The following PSMC1 variants were observed in gnomAD, a reference collection of about 807,000 sequenced individuals.
PSMC1 encodes the protein proteasome 26S subunit, ATPase 1, also known as 26S proteasome regulatory subunit 4.
Under a neutral mutation model 49.8 loss-of-function variants are expected in PSMC1, and 5 were observed. That is an observed-to-expected ratio of 0.10 (90% CI 0.05 to 0.21). The LOEUF is 0.21. PSMC1 is among the 10% of genes least tolerant of loss of function. The probability of loss-of-function intolerance (pLI) is 1.00; values close to 1 mark genes in which losing one functional copy is unlikely to be tolerated. For missense variants in PSMC1, 181 were observed against 535.7 expected, an observed-to-expected ratio of 0.34 and a Z score of 6.54; for synonymous variants, 155 against 192.1, an observed-to-expected ratio of 0.81 and a Z score of 1.60.
intron 7 of PSMC1, 52 bp from the exon 8 acceptor site, chr14:90,268,172 A>T: frequency 6.9e-7 from 1 of 1,441,180 alleles, no homozygotes; most frequent in Non-Finnish European, 9.2e-7. Flanking sequence ...TTTTTAAGTT[A>T]AAATGGCACT....
chr14:90,270,579 G>A, intron 10 of PSMC1: 2 of 465,382 alleles, frequency 4.3e-6, no homozygotes, highest in Non-Finnish European at 7.3e-6. Flanking sequence ...GGAGCCACAA[G>A]GCTGAGTCGC....
chr14:90,256,944 C>T (rs1891306462), intron 1 of PSMC1, among the ~76,000 whole-genome samples: 1 of 152,164 alleles, frequency 6.6e-6, no homozygotes, highest in African/African-American at 2.4e-5. Flanking sequence ...TCGGGGGCGC[C>T]TCCTCGAGTC....
chr14:90,264,076 G>A lies in PSMC1; in HGVS notation c.501G>A (p.Thr167=), dbSNP rs145176200. The change falls in exon 6 of 11, where the codon ACG becomes ACA. Residue 167 remains threonine (T), a synonymous_variant. Coordinates refer to ENST00000261303, the MANE Select transcript of PSMC1 (RefSeq NM_002802.3). The stretch of plus-strand genomic sequence containing the variant: ...TGATAGGGGTGCTGATGGATGACAC[G>A]GATCCCCTGGTCACAGTGATGAAGG... ...HAVIGVLMDD[T]DPLVTVMKVE... The A allele has an allele frequency of 7.0e-4, 1,128 of 1,613,126 alleles. 7 individuals carry two copies. The African/African-American group carries it at 0.014, about 20-fold the overall frequency.
rs745329787 is a variant in PSMC1 at position 90,272,260 on chromosome 14, T to G, written c.1189-13T>G. On this transcript the variant is annotated splice_polypyrimidine_tract_variant and intron_variant, in intron 10 of 10. Coordinates refer to ENST00000261303, the MANE Select transcript of PSMC1 (RefSeq NM_002802.3). This position sits in a 1 kb window ranked among gnomAD's most constrained non-coding sequence, Gnocchi z 4.5. ...AGTATGTCACTTTCTGAACACACTC[T>G]TCTTTCTTACAGGCAATCTGTACAG... 1 of 1,601,730 alleles carries G rather than the reference T, an allele frequency of 6.2e-7. No homozygotes were observed. The highest frequency in any genetic ancestry group is 8.5e-7 in the Non-Finnish European group (1 of 1,177,580).
Position 90,268,397 on chromosome 14 carries a change from G to T in PSMC1, c.865G>T (p.Ala289Ser), listed in dbSNP as rs148097391. The part of the protein sequence containing the change: ...PSIVFIDEID[A>S]IGTKRYDSNS... Reference sequence around the variant, plus strand: ...CATCGTGTTTATTGATGAAATTGACGCCATTGGGACAAAAAGGTAGACTTT... The same window carrying T: ...CATCGTGTTTATTGATGAAATTGACTCCATTGGGACAAAAAGGTAGACTTT... Residue 289 changes from alanine to serine, a missense_variant, in exon 8 of 11, where the codon GCC becomes TCC. Transcript: ENST00000261303. The T allele has an allele frequency of 4.3e-6, 7 of 1,613,048 alleles. No individual in the cohort carries two copies. Among genetic ancestry groups the T allele is most frequent in the Non-Finnish European group, 5.9e-6 (7 of 1,179,720 alleles).
At chr14:90,266,724 A>G (rs1388025488) in intron 7 of PSMC1, among the ~76,000 whole-genome samples, 1 of 152,232 alleles carries the variant, frequency 6.6e-6, no homozygotes, top group Non-Finnish European at 1.5e-5. Context: ...CCGCAGAAGC[A>G]GCCCACTGGC....
At chr14:90,265,031 A>G (rs372270849) in intron 6 of PSMC1, 39 bp from the exon 7 acceptor site, 116 of 1,441,256 alleles carry the variant, frequency 8.0e-5, no homozygotes, top group Non-Finnish European at 1.1e-4. Context: ...ATATGCTAAT[A>G]ATTTCAGTAA....
chr14:90,268,695 C>G (rs1298156314), intron 8 of PSMC1: 1 of 319,080 alleles, frequency 3.1e-6, no homozygotes, highest in Non-Finnish European at 5.7e-6. Context: ...GAGCACAAGT[C>G]TCTGCCCTGG....
chr14:90,270,972 G>A (rs1218227310), intron 10 of PSMC1: 5 of 152,174 alleles, frequency 3.3e-5, no homozygotes, highest in South Asian at 2.1e-4. Flanking sequence ...CTGAGCCCAC[G>A]GATCATTGGC....
rs1566678097 is a variant in PSMC1 at position 90,274,827 on chromosome 14, CACACACACA to C, written c.*2421_*2429del. ...ACACACACACACACACACACACACACACACACACACACCCCAATACATATGAATTGATCT... is the reference window on the plus strand; with the variant it reads ...ACACACACACACACACACACACACACCACCCCAATACATATGAATTGATCT... On this transcript the variant is annotated 3_prime_UTR_variant, in exon 11 of 11. Transcript: ENST00000261303. The C allele has an allele frequency of 2.6e-3, 254 of 96,612 alleles. 2 individuals carry two copies. The highest frequency in any genetic ancestry group is 2.7e-3 in the Non-Finnish European group (131 of 48,768). The allele number at this position is 96,612 out of a possible 1,614,324, so 6.0% of individuals were successfully genotyped here.
chr14:90,273,866 CCT>C lies in PSMC1; in HGVS notation c.*1465_*1466del, dbSNP rs1891730987. 1 of 154,964 alleles carries C rather than the reference CCT, an allele frequency of 6.5e-6. No homozygotes were observed. The highest frequency in any genetic ancestry group is 1.5e-5 in the Non-Finnish European group (1 of 68,384). The allele number at this position is 154,964 out of a possible 1,614,324, so 9.6% of individuals were successfully genotyped here. A position where few individuals can be genotyped will look rare whatever the true frequency, so the allele number is the denominator to read the frequency against. On this transcript the variant is annotated 3_prime_UTR_variant, in exon 11 of 11. Transcript: ENST00000261303. Reference sequence around the variant, plus strand: ...TCCACCAGCAGCAGCAGGCCCAGTCCCTCTCTCCCACCGACCCTTCTTTCTGC... The same window carrying C: ...TCCACCAGCAGCAGCAGGCCCAGTCCCTCTCCCACCGACCCTTCTTTCTGC...
At chr14:90,261,853 G>A (rs1309291962) in intron 3 of PSMC1, among the ~76,000 whole-genome samples, 1 of 150,094 alleles carries the variant, frequency 6.7e-6, no homozygotes, top group Non-Finnish European at 1.5e-5. Context: ...CCATGCACAT[G>A]TATGTTTATT....
intron 10 of PSMC1, 120 bp downstream of exon 10, chr14:90,270,472 C>T (rs1319580440): frequency 8.8e-7 from 1 of 1,142,500 alleles, no homozygotes; most frequent in Non-Finnish European, 1.2e-6. Flanking sequence ...TTTTAATCAT[C>T]ATATTGGTTT....
intron 7 of PSMC1, chr14:90,267,751 T>C (rs78656887): frequency 0.023 from 3,616 of 154,198 alleles, 58 homozygotes; most frequent in African/African-American, 0.05. Flanking sequence ...GACCCTTTTT[T>C]CCAGCACTGA....
At position 90,270,048 on chromosome 14, in the gene PSMC1, A is replaced by G. The variant is rs1438443740; in HGVS notation, c.1034-150A>G. 19 of 767,308 alleles carry G rather than the reference A, an allele frequency of 2.5e-5. No homozygotes were observed. The East Asian group carries it at 4.4e-4, about 18-fold the overall frequency. The allele number at this position is 767,308 out of a possible 1,614,324, so 47.5% of individuals were successfully genotyped here. A position where few individuals can be genotyped will look rare whatever the true frequency, so the allele number is the denominator to read the frequency against. ...GTAGAAATCTACAAACTACAAAAATATATGTTTACTTTTTAAAATTTAGAC... is the reference window on the plus strand; with the variant it reads ...GTAGAAATCTACAAACTACAAAAATGTATGTTTACTTTTTAAAATTTAGAC... On this transcript the variant is annotated intron_variant, in intron 9 of 10. Transcript: ENST00000261303.
At chr14:90,263,515 A>G in intron 4 of PSMC1, 73 bp downstream of exon 4, 1 of 1,482,892 alleles carries the variant, frequency 6.7e-7, no homozygotes, top group Non-Finnish European at 9.1e-7. Context: ...AATAAATGAA[A>G]TTCAAGTAGC....
At chr14:90,266,602 A>C (rs1891521138) in intron 7 of PSMC1, among the ~76,000 whole-genome samples, 1 of 152,212 alleles carries the variant, frequency 6.6e-6, no homozygotes, top group Middle Eastern at 3.2e-3. Flanking sequence ...CCACAGCTGC[A>C]GGCCCCCTGT....
At chr14:90,269,355 A>T (rs1395011651) in intron 8 of PSMC1, 42 bp from the exon 9 acceptor site, 1 of 1,545,502 alleles carries the variant, frequency 6.5e-7, no homozygotes, top group Non-Finnish European at 8.8e-7. Flanking sequence ...TGAGCAGGCG[A>T]TCAGTTGAGT....
In PSMC1 at chr14:90,274,596, G is replaced by A. The variant is rs1891753934; in HGVS notation, c.*2189G>A. ...AGGGCTGATTCCGGGGCTAGGCAGGGAAAGGACAGGATGAACCCAAAGTCT... is the reference window on the plus strand; with the variant it reads ...AGGGCTGATTCCGGGGCTAGGCAGGAAAAGGACAGGATGAACCCAAAGTCT... On this transcript the variant is annotated 3_prime_UTR_variant, in exon 11 of 11. Transcript: ENST00000261303. 1 of 152,268 alleles carries A rather than the reference G, an allele frequency of 6.6e-6. No homozygotes were observed. Among genetic ancestry groups the A allele is most frequent in the Non-Finnish European group, 1.5e-5 (1 of 68,206 alleles). 9.4% of individuals were successfully genotyped at this position (152,268 alleles called of 1,614,324 possible).
Sources: gnomAD v4.1 joint callset for allele counts (sites outside exome capture counted in the v4.1 genomes callset) on GRCh38, gnomAD v4.1.1 for gene constraint, Gnocchi (gnomAD v3.1) non-coding constraint, MANE v1.5 for transcripts, NCBI Gene and HGNC (gene_info 2026-07-23, HGNC 2026-07-21) for gene names.